The following PIAS1 variants were observed in gnomAD, a reference collection of about 807,000 sequenced individuals.
PIAS1 encodes the protein E3 SUMO-protein ligase PIAS1.
In PIAS1, 6 loss-of-function variants were observed where a neutral mutation model predicts 71.3. That is an observed-to-expected ratio of 0.08 (90% confidence interval 0.05 to 0.17). The LOEUF is 0.17. Ranked by LOEUF, PIAS1 falls within the 10% of genes least tolerant of loss-of-function variation. PIAS1 has a pLI of 1.00. For synonymous variants in PIAS1, 303 were observed against 292.9 expected (o/e 1.03, Z -0.35); for missense variants, 555 against 793.6 (o/e 0.70, Z 3.61).
At chr15:68,059,713 A>C (rs928882448) in intron 1 of PIAS1, among the ~76,000 whole-genome samples, 7 of 150,638 alleles carry the variant, frequency 4.6e-5, no homozygotes, top group South Asian at 4.2e-4. Flanking sequence ...CTCAAACAAA[A>C]AAAAAAAAAA....
chr15:68,087,802 A>G (rs978928502), intron 2 of PIAS1: 5 of 333,990 alleles, frequency 1.5e-5, no homozygotes, highest in Middle Eastern at 4.3e-4. Context: ...CTGAAATTCT[A>G]TCTTTGAAAT....
intron 1 of PIAS1, among the ~76,000 whole-genome samples, chr15:68,080,527 A>G (rs1016063612): frequency 2.6e-5 from 4 of 152,202 alleles, no homozygotes; most frequent in Admixed American, 6.5e-5. Flanking sequence ...TTTGAATAGA[A>G]ACTGTCTAAC....
intron 2 of PIAS1, among the ~76,000 whole-genome samples, chr15:68,130,335 A>C (rs1297748430): frequency 1.3e-5 from 2 of 152,028 alleles, no homozygotes; most frequent in African/African-American, 2.4e-5. Flanking sequence ...ATATATGTAT[A>C]TAAATATTAG....
intron 7 of PIAS1, among the ~76,000 whole-genome samples, chr15:68,156,488 G>C (rs900301504): frequency 7.7e-6 from 1 of 129,488 alleles, no homozygotes; most frequent in African/African-American, 2.5e-5. Context: ...TAGATCACTT[G>C]AGTGAGGTCA....
At chr15:68,104,638 C>A (rs1029658383) in intron 2 of PIAS1, among the ~76,000 whole-genome samples, 1 of 151,976 alleles carries the variant, frequency 6.6e-6, no homozygotes, top group African/African-American at 2.4e-5. Flanking sequence ...CAGAGGGAGA[C>A]TGTAGTTAAT....
intron 2 of PIAS1, among the ~76,000 whole-genome samples, chr15:68,115,259 T>A (rs879731207): frequency 7.2e-5 from 11 of 152,108 alleles, no homozygotes; most frequent in Non-Finnish European, 1.3e-4. Flanking sequence ...GGAGTGTGAT[T>A]GTGGGACTAT....
rs1455602889 is a variant in PIAS1 at position 68,167,931 on chromosome 15, T to C, written c.1008+3127T>C. On this transcript the variant is annotated intron_variant, in intron 8 of 13. Coordinates refer to ENST00000249636, the MANE Select transcript of PIAS1 (RefSeq NM_016166.3). This position sits in a 1 kb window ranked among gnomAD's most constrained non-coding sequence, Gnocchi z 4.4. The stretch of plus-strand genomic sequence containing the variant: ...CATGTTGGCCAGGCTGGTCTCAAAC[T>C]CCTGACCTCAGGTGATCTGCTTGCC... 1.3e-5 allele frequency among the ~76,000 whole-genome samples: 2 copies of C among 152,098 alleles called. No homozygotes were observed. The highest frequency in any genetic ancestry group is 2.4e-5 in the African/African-American group (1 of 41,406).
chr15:68,182,673 G>A (rs536449104), intron 12 of PIAS1, among the ~76,000 whole-genome samples: 24 of 152,268 alleles, frequency 1.6e-4, no homozygotes, highest in African/African-American at 5.8e-4. Flanking sequence ...GCCTGCCTTC[G>A]CTTCCCAAAG....
intron 2 of PIAS1, among the ~76,000 whole-genome samples, chr15:68,130,567 T>C (rs1470247599): frequency 6.6e-6 from 1 of 151,726 alleles, no homozygotes; most frequent in Non-Finnish European, 1.5e-5. Flanking sequence ...TCTTCAGAAC[T>C]TTTTTTGAGG....
intron 2 of PIAS1, among the ~76,000 whole-genome samples, chr15:68,098,449 T>G (rs1034085845): frequency 6.6e-6 from 1 of 152,076 alleles, no homozygotes; most frequent in African/African-American, 2.4e-5. Flanking sequence ...GTCTAAGAGG[T>G]GACAGAGGTG....
chr15:68,056,403 T>C (rs1008057057), intron 1 of PIAS1, among the ~76,000 whole-genome samples: 1 of 152,208 alleles, frequency 6.6e-6, no homozygotes, highest in East Asian at 1.9e-4. Flanking sequence ...AGTTTCTCTT[T>C]ACGAAAATGA....
rs757829520 is a variant in PIAS1, at chr15:68,100,012, T to A, written c.469+13262T>A. On this transcript the variant is annotated intron_variant, in intron 2 of 13. Coordinates refer to ENST00000249636, the MANE Select transcript of PIAS1 (RefSeq NM_016166.3). ...TTTTTATATTATTGACTTTTGAGAG[T>A]TCCTTTGCATATTGTAGATACTAGT... 2.0e-4 allele frequency among the ~76,000 whole-genome samples: 31 copies of A among 151,970 alleles called. No homozygotes were observed. The South Asian group carries it at 2.9e-3, about 14-fold the overall frequency.
At position 68,191,434 on chromosome 15, in the gene PIAS1, T is replaced by C. The variant is rs1273973275; in HGVS notation, c.*3599T>C. On this transcript the variant is annotated 3_prime_UTR_variant, in exon 14 of 14. Transcript: ENST00000249636. The stretch of plus-strand genomic sequence containing the variant: ...TGTTACCTGTTTATGTAGAGCTCTT[T>C]AGATGTAATAAAAGAAAAGCCTTCA... 6.6e-6 allele frequency: 1 copy of C among 152,660 alleles called. No homozygotes were observed. The highest frequency in any genetic ancestry group is 1.5e-5 in the Non-Finnish European group (1 of 68,040). The allele number at this position is 152,660 out of a possible 1,614,324, so 9.5% of individuals were successfully genotyped here.
At chr15:68,183,569 G>T (rs1316565257) in intron 12 of PIAS1, 61 bp from the exon 13 acceptor site, 3 of 693,214 alleles carry the variant, frequency 4.3e-6, no homozygotes, top group Non-Finnish European at 7.7e-6. Context: ...GAAGTATTGG[G>T]GCATTTGGAA....
chr15:68,149,613 CTGCTATTAT>C (rs1190415521), intron 6 of PIAS1, among the ~76,000 whole-genome samples: 1 of 151,864 alleles, frequency 6.6e-6, no homozygotes, highest in African/African-American at 2.4e-5. Flanking sequence ...GTTATTATTA[CTGCTATTAT>C]AAAAAGAGAT....
At chr15:68,100,893 T>C (rs1171532379) in intron 2 of PIAS1, among the ~76,000 whole-genome samples, 2 of 63,900 alleles carry the variant, frequency 3.1e-5, no homozygotes, top group Non-Finnish European at 5.6e-5. Flanking sequence ...GTTGTTGTTT[T>C]TGTTTTGTTT....
At chr15:68,092,728 C>G (rs562784310) in intron 2 of PIAS1, among the ~76,000 whole-genome samples, 71 of 152,216 alleles carry the variant, frequency 4.7e-4, no homozygotes, top group Non-Finnish European at 7.9e-4. Flanking sequence ...TTCATTTGCC[C>G]CCTTTCACCC....
At chr15:68,154,959 C>G (rs535516761) in intron 7 of PIAS1, among the ~76,000 whole-genome samples, 1 of 152,124 alleles carries the variant, frequency 6.6e-6, no homozygotes, top group Non-Finnish European at 1.5e-5. Context: ...TGAGAATCTT[C>G]GTATTTGCCT....
rs572449154 is a variant in PIAS1, at chr15:68,192,615, A to T, written c.*4780A>T. 6.6e-6 allele frequency: 1 copy of T among 152,318 alleles called. No homozygotes were observed. The highest frequency in any genetic ancestry group is 2.1e-4 in the South Asian group (1 of 4,832). The allele number at this position is 152,318 out of a possible 1,614,324, so 9.4% of individuals were successfully genotyped here. On this transcript the variant is annotated 3_prime_UTR_variant, in exon 14 of 14. Coordinates refer to ENST00000249636, the MANE Select transcript of PIAS1 (RefSeq NM_016166.3). ...TTCCTCAGGGCCTTGTTTGGGTCTG[A>T]AGCCACACAGCATCGTTGAGACAGT...
Sources: gnomAD v4.1 joint callset for allele counts (sites outside exome capture counted in the v4.1 genomes callset) on GRCh38, gnomAD v4.1.1 for gene constraint, Gnocchi (gnomAD v3.1) non-coding constraint, MANE v1.5 for transcripts, NCBI Gene and HGNC (gene_info 2026-07-23, HGNC 2026-07-21) for gene names.